The following UBAC2 variants were observed in gnomAD, a reference collection of about 807,000 sequenced individuals.
UBAC2 encodes the protein UBA domain containing 2.
UBAC2 carries 26 observed loss-of-function variants against 44.0 expected under a neutral mutation model. The ratio of observed to expected loss-of-function variants is 0.59; its 90% confidence interval spans 0.43 to 0.82. UBAC2 has a LOEUF of 0.82. Ranked by LOEUF, UBAC2 falls within the 40% of genes least tolerant of loss-of-function variation. The probability of loss-of-function intolerance (pLI) is 0.00; values close to 1 mark genes in which losing one functional copy is unlikely to be tolerated. For missense variants in UBAC2, 329 were observed against 419.4 expected (o/e 0.78, Z 1.88); for synonymous variants, 155 against 154.3 (o/e 1.00, Z -0.04).
At chr13:99,283,783 A>G (rs2043984304) in intron 4 of UBAC2, among the ~76,000 whole-genome samples, 1 of 115,012 alleles carries the variant, frequency 8.7e-6, no homozygotes, top group Non-Finnish European at 1.6e-5. Context: ...TACCCAGGCC[A>G]GAGTGCAGTG....
At chr13:99,322,301 T>C (rs1031154471) in intron 6 of UBAC2, among the ~76,000 whole-genome samples, 3 of 152,230 alleles carry the variant, frequency 2.0e-5, no homozygotes, top group East Asian at 1.9e-4. Flanking sequence ...AAATTCTTCT[T>C]GTGGTTCTGC....
chr13:99,224,254 C>T (rs1237326659), intron 1 of UBAC2, among the ~76,000 whole-genome samples: 1 of 152,140 alleles, frequency 6.6e-6, no homozygotes, highest in Admixed American at 6.5e-5. Context: ...CTGGGTCCCT[C>T]CCTTTTCTTA....
intron 8 of UBAC2, among the ~76,000 whole-genome samples, chr13:99,374,592 G>C (rs2045455585): frequency 6.6e-6 from 1 of 152,206 alleles, no homozygotes; most frequent in Non-Finnish European, 1.5e-5. Context: ...AAATCTTAAT[G>C]AGGCTGTCTC....
Position 99,356,146 on chromosome 13 carries a change from A to C in UBAC2, c.808-11641A>C, listed in dbSNP as rs369781239. On this transcript the variant is annotated intron_variant, in intron 7 of 8. Transcript: ENST00000403766. ...CTGTCAGACTGTACACAGTAGAAGCATCCCTTGCAGGGGCTGTTGGGTTGC... is the reference window on the plus strand; with the variant it reads ...CTGTCAGACTGTACACAGTAGAAGCCTCCCTTGCAGGGGCTGTTGGGTTGC... The C allele has an allele frequency of 2.1e-5, 11 of 534,496 alleles. No homozygotes were observed. In the African/African-American group the frequency reaches 2.1e-4, roughly 10 times the overall value. 33.1% of individuals were successfully genotyped at this position (534,496 alleles called of 1,614,324 possible). A position where few individuals can be genotyped will look rare whatever the true frequency, so the allele number is the denominator to read the frequency against.
intron 4 of UBAC2, among the ~76,000 whole-genome samples, chr13:99,261,155 C>T (rs1479400400): frequency 5.3e-5 from 8 of 152,278 alleles, no homozygotes; most frequent in African/African-American, 1.9e-4. Context: ...CCCATCAGTG[C>T]GGGGACCAGG....
intron 4 of UBAC2, among the ~76,000 whole-genome samples, chr13:99,280,137 T>C (rs1202440463): frequency 3.9e-5 from 6 of 152,338 alleles, no homozygotes; most frequent in Admixed American, 3.3e-4. Flanking sequence ...CCCCTAATTT[T>C]ATCTACAAAG....
intron 4 of UBAC2, chr13:99,258,300 T>A (rs986836761): frequency 6.6e-6 from 1 of 152,244 alleles, no homozygotes; most frequent in Non-Finnish European, 1.5e-5. Context: ...TTTTAGACTC[T>A]TTTGTTGCTT....
At chr13:99,358,934 C>T (rs1300141624) in intron 7 of UBAC2, among the ~76,000 whole-genome samples, 2 of 152,166 alleles carry the variant, frequency 1.3e-5, no homozygotes, top group African/African-American at 2.4e-5. Flanking sequence ...GGCTCTGAGA[C>T]ACAGTGTTTG....
chr13:99,279,531 T>C (rs2043926270), intron 4 of UBAC2, among the ~76,000 whole-genome samples: 1 of 152,242 alleles, frequency 6.6e-6, no homozygotes, highest in Non-Finnish European at 1.5e-5. Context: ...ATTTGATACC[T>C]GCCACCTCCA....
chr13:99,230,117 T>G, intron 1 of UBAC2, among the ~76,000 whole-genome samples: 1 of 152,220 alleles, frequency 6.6e-6, no homozygotes, highest in East Asian at 1.9e-4. Context: ...TAATCACTAT[T>G]TTAGTGTACT....
chr13:99,210,361 A>G (rs962097172), intron 1 of UBAC2, among the ~76,000 whole-genome samples: 5 of 152,198 alleles, frequency 3.3e-5, no homozygotes, highest in East Asian at 1.9e-4. Flanking sequence ...TATCTAAATA[A>G]TAGGTAAAAA....
intron 7 of UBAC2, among the ~76,000 whole-genome samples, chr13:99,362,861 A>G (rs1286686820): frequency 1.3e-5 from 2 of 152,232 alleles, no homozygotes; most frequent in Non-Finnish European, 2.9e-5. Context: ...ATTCAGTAAC[A>G]ATTGAACTTT....
chr13:99,259,892 C>T (rs368745279), intron 4 of UBAC2, among the ~76,000 whole-genome samples: 3 of 152,216 alleles, frequency 2.0e-5, no homozygotes, highest in African/African-American at 7.2e-5. Flanking sequence ...TGCACAGGGG[C>T]ATTCTTGTTT....
intron 4 of UBAC2, among the ~76,000 whole-genome samples, chr13:99,254,424 T>G (rs1217386399): frequency 6.6e-6 from 1 of 152,200 alleles, no homozygotes. Context: ...TTTTGCCTTG[T>G]AGTAAGTAAC....
chr13:99,233,844 C>T (rs1303164742), intron 1 of UBAC2, among the ~76,000 whole-genome samples: 1 of 152,024 alleles, frequency 6.6e-6, no homozygotes, highest in South Asian at 2.1e-4. Context: ...TTTTGGTTCC[C>T]GATGAAGCGT....
At chr13:99,236,474 T>C (rs569995289) in intron 1 of UBAC2, among the ~76,000 whole-genome samples, 6 of 152,350 alleles carry the variant, frequency 3.9e-5, no homozygotes, top group East Asian at 1.9e-4. Context: ...CTCAACATTA[T>C]TGATCATCAG....
chr13:99,358,046 G>T (rs1413401211), intron 7 of UBAC2, among the ~76,000 whole-genome samples: 1 of 152,190 alleles, frequency 6.6e-6, no homozygotes, highest in Non-Finnish European at 1.5e-5. Flanking sequence ...AAGTGAAATG[G>T]GATGTGCTGA....
chr13:99,248,049 C>G (rs1243629622), intron 4 of UBAC2, among the ~76,000 whole-genome samples: 1 of 152,138 alleles, frequency 6.6e-6, no homozygotes, highest in Admixed American at 6.5e-5. Context: ...ACACTACTCC[C>G]TCCTAATTCT....
At chr13:99,259,666 A>G (rs936306553) in intron 4 of UBAC2, among the ~76,000 whole-genome samples, 4 of 152,104 alleles carry the variant, frequency 2.6e-5, no homozygotes, top group African/African-American at 7.2e-5. Context: ...TTTATATGTG[A>G]TGTTATATTT....
Sources: allele counts gnomAD v4.1 joint callset (sites outside exome capture counted in the v4.1 genomes callset), GRCh38; gene constraint gnomAD v4.1.1; transcripts MANE v1.5; gene names NCBI Gene and HGNC (gene_info 2026-07-23, HGNC 2026-07-21).